The following SLC44A5 variants were observed in gnomAD, a reference collection of about 807,000 sequenced individuals.
The protein encoded by SLC44A5 is choline transporter-like protein 5.
In SLC44A5, 57 loss-of-function variants were observed where a neutral mutation model predicts 101.8. The observed-to-expected ratio is 0.56, with a 90% CI of 0.45 to 0.70. The LOEUF (loss-of-function observed/expected upper bound fraction) is 0.70, where lower values mean the gene tolerates loss of function less well. SLC44A5 is among the 30% of genes least tolerant of loss of function. The pLI, the probability that SLC44A5 is intolerant of heterozygous loss-of-function variation, is 0.00. For missense variants in SLC44A5, 737 were observed against 853.1 expected (o/e 0.86, Z 1.70); for synonymous variants, 281 against 290.9 (o/e 0.97, Z 0.35).
intron 2 of SLC44A5, among the ~76,000 whole-genome samples, chr1:75,533,041 G>T (rs1046924282): frequency 6.6e-6 from 1 of 152,056 alleles, no homozygotes; most frequent in African/African-American, 2.4e-5. Flanking sequence ...CCCATTCCAT[G>T]CTCTACTCAA....
At chr1:75,693,473 C>A in the SLC44A5 span, among the ~76,000 whole-genome samples, 2 of 152,192 alleles carry the variant, frequency 1.3e-5, no homozygotes. Context: ...TTTATTGTCT[C>A]TATCCCCTAC....
At chr1:75,464,505 A>G (rs981316775) in intron 2 of SLC44A5, among the ~76,000 whole-genome samples, 9 of 152,114 alleles carry the variant, frequency 5.9e-5, no homozygotes, top group Admixed American at 3.3e-4. Flanking sequence ...AAAAGACCAC[A>G]AAACAAGCAG....
chr1:75,472,954 G>C (rs1475759338), intron 2 of SLC44A5, among the ~76,000 whole-genome samples: 1 of 152,172 alleles, frequency 6.6e-6, no homozygotes, highest in Non-Finnish European at 1.5e-5. Flanking sequence ...TCTGTGTGAT[G>C]AATTGTCATC....
At chr1:75,616,177 G>A in the SLC44A5 span, among the ~76,000 whole-genome samples, 2 of 151,758 alleles carry the variant, frequency 1.3e-5, no homozygotes, top group Non-Finnish European at 2.9e-5. Flanking sequence ...GCTGCTGGAG[G>A]GGGCAGCGCT....
At chr1:75,444,473 G>GAAAGA (rs375395730) in intron 2 of SLC44A5, among the ~76,000 whole-genome samples, 3 of 95,404 alleles carry the variant, frequency 3.1e-5, no homozygotes, top group East Asian at 2.6e-4. Flanking sequence ...AAAAAAGAAA[G>GAAAGA]AGAAAGAAAG....
intron 1 of SLC44A5, chr1:75,582,488 C>T (rs1673752382): frequency 1.7e-6 from 1 of 588,672 alleles, no homozygotes; most frequent in Non-Finnish European, 3.0e-6. Context: ...AACCAAGGCC[C>T]AGCCTGCAGC....
At chr1:75,461,194 G>A (rs879629830) in intron 2 of SLC44A5, among the ~76,000 whole-genome samples, 13 of 152,144 alleles carry the variant, frequency 8.5e-5, no homozygotes, top group Admixed American at 7.9e-4. Context: ...TAAACCAAAA[G>A]AGATCTCTTC....
At chr1:75,581,495 G>T (rs1478189233) in intron 1 of SLC44A5, among the ~76,000 whole-genome samples, 4 of 152,188 alleles carry the variant, frequency 2.6e-5, no homozygotes, top group African/African-American at 9.6e-5. Context: ...AAGCTGCATT[G>T]TCAGCAATGA....
At chr1:75,237,226 A>T (rs1285724592) in intron 10 of SLC44A5, among the ~76,000 whole-genome samples, 156 bp from the exon 11 acceptor site, 1 of 152,122 alleles carries the variant, frequency 6.6e-6, no homozygotes, top group East Asian at 1.9e-4. Context: ...ACAATAATAC[A>T]TAAAATGTCA....
At chr1:75,713,761 A>T in the SLC44A5 span, among the ~76,000 whole-genome samples, 4 of 152,184 alleles carry the variant, frequency 2.6e-5, no homozygotes, top group South Asian at 8.3e-4. Context: ...ATTGTGCTAT[A>T]CGTCTCTCTG....
intron 4 of SLC44A5, among the ~76,000 whole-genome samples, chr1:75,306,830 G>C (rs950421154): frequency 1.4e-4 from 20 of 141,800 alleles, no homozygotes; most frequent in Admixed American, 4.7e-4. Context: ...CGCCTCCCGG[G>C]TTCACGCCAT....
the SLC44A5 span, among the ~76,000 whole-genome samples, chr1:75,680,988 A>G: frequency 2.7e-5 from 4 of 150,818 alleles, no homozygotes; most frequent in African/African-American, 4.9e-5. Context: ...AAACACCTCT[A>G]CGCAAATAAA....
chr1:75,357,337 G>C, intron 3 of SLC44A5: 1 of 382,198 alleles, frequency 2.6e-6, no homozygotes, highest in Non-Finnish European at 5.3e-6. Context: ...AAATGTGAAC[G>C]TGTCCTGACC....
chr1:75,427,756 A>G (rs374634028), intron 2 of SLC44A5, among the ~76,000 whole-genome samples: 21 of 152,226 alleles, frequency 1.4e-4, no homozygotes, highest in African/African-American at 5.1e-4. Context: ...TGAGGATTAG[A>G]TATTTTACAC....
At chr1:75,709,853 A>T in the SLC44A5 span, 2 of 152,184 alleles carry the variant, frequency 1.3e-5, no homozygotes, top group African/African-American at 4.8e-5. Context: ...CTTTATTTGT[A>T]ATACTCATAA....
the SLC44A5 span, among the ~76,000 whole-genome samples, chr1:75,708,514 A>G: frequency 1.3e-5 from 2 of 151,904 alleles, no homozygotes; most frequent in Admixed American, 1.3e-4. Context: ...ATAAGTACAC[A>G]GTGATACAAG....
chr1:75,619,740 C>T, the SLC44A5 span, among the ~76,000 whole-genome samples: 1 of 152,028 alleles, frequency 6.6e-6, no homozygotes, highest in Non-Finnish European at 1.5e-5. Context: ...CATCTAATGT[C>T]CCTAGAATTA....
intron 3 of SLC44A5, among the ~76,000 whole-genome samples, chr1:75,377,292 C>T (rs1219311345): frequency 8.9e-6 from 1 of 112,694 alleles, no homozygotes; most frequent in African/African-American, 3.6e-5. Context: ...GCAAGATGTG[C>T]TTTGTTAAAC....
the SLC44A5 span, among the ~76,000 whole-genome samples, chr1:75,650,869 T>C: frequency 0.75 from 114,114 of 152,114 alleles, 43,142 homozygotes; most frequent in East Asian, 0.96. Flanking sequence ...GTTGAGATTA[T>C]GGGTGTGAGG....
Sources: allele counts gnomAD v4.1 joint callset (sites outside exome capture counted in the v4.1 genomes callset), GRCh38; gene constraint gnomAD v4.1.1; transcripts MANE v1.5; gene names NCBI Gene and HGNC (gene_info 2026-07-23, HGNC 2026-07-21).